The following ASCC3 variants were observed in gnomAD, a reference collection of about 807,000 sequenced individuals.
ASCC3 encodes activating signal cointegrator 1 complex subunit 3, also known as ASC-1 complex subunit P200.
ASCC3 carries 158 observed loss-of-function variants against 256.3 expected under a neutral mutation model. The ratio of observed to expected loss-of-function variants is 0.62; its 90% CI spans 0.54 to 0.70. ASCC3 has a LOEUF of 0.70. Ranked by LOEUF, ASCC3 falls within the 30% of genes least tolerant of loss-of-function variation. ASCC3 has a pLI of 0.00. For missense variants in ASCC3, 2,259 were observed against 2,626.0 expected (o/e 0.86, Z 3.05); for synonymous variants, 948 against 883.4 (o/e 1.07, Z -1.30).
chr6:100,846,146 AGCAC>A (rs10552294), intron 4 of ASCC3, among the ~76,000 whole-genome samples: 106,768 of 151,456 alleles, frequency 0.7, 37,844 homozygotes, highest in East Asian at 0.75. Flanking sequence ...CATAAGGTAT[AGCAC>A]GCACACCCTA....
chr6:100,679,569 G>C, intron 14 of ASCC3, 49 bp downstream of exon 14: 1 of 1,610,142 alleles, frequency 6.2e-7, no homozygotes, highest in Non-Finnish European at 8.5e-7. Flanking sequence ...AAATACCCGG[G>C]ATATGTGGCA....
At chr6:100,510,342 T>C in intron 40 of ASCC3, 1 of 496,460 alleles carries the variant, frequency 2.0e-6, no homozygotes, top group East Asian at 3.4e-5. Flanking sequence ...TAGTTGTAAC[T>C]ATCAGAATAT....
chr6:100,651,768 GT>G, intron 18 of ASCC3, 122 bp from the exon 19 acceptor site: 1 of 369,538 alleles, frequency 2.7e-6, no homozygotes, highest in Non-Finnish European at 4.7e-6. Context: ...CAGTTATAAT[GT>G]CTGTGTTACA....
chr6:100,688,505 C>T (rs887858952), intron 13 of ASCC3, among the ~76,000 whole-genome samples: 1 of 152,096 alleles, frequency 6.6e-6, no homozygotes, highest in Non-Finnish European at 1.5e-5. Context: ...ACTCTCATAC[C>T]TACGTGGAAG....
chr6:100,814,732 G>A (rs1770657310), intron 4 of ASCC3, among the ~76,000 whole-genome samples: 1 of 152,112 alleles, frequency 6.6e-6, no homozygotes, highest in African/African-American at 2.4e-5. Context: ...TGTGCACAGA[G>A]GTGTTTATAG....
In ASCC3 at chr6:100,718,149, G is replaced by T. The variant is rs778332971; in HGVS notation, c.2005C>A (p.Leu669Ile). ...TFLHVNPYIG[L>I]FFFDGRFRPV... is the part of the protein sequence containing the mutation. ...CGAAAACGGCCATCAAAGAAGAAAAGTCCAATGTATGGATTAACATGTAAA... is the reference window on the plus strand; with the variant it reads ...CGAAAACGGCCATCAAAGAAGAAAATTCCAATGTATGGATTAACATGTAAA... Residue 669 changes from leucine (L) to isoleucine (I), a missense_variant, in exon 12 of 42, where the codon CTT becomes ATT. Transcript: ENST00000369162. 1 of 1,613,722 alleles carries T rather than the reference G, an allele frequency of 6.2e-7. No individual in the cohort carries two copies. Among genetic ancestry groups the T allele is most frequent in the East Asian group, 2.2e-5 (1 of 44,844 alleles).
chr6:100,625,227 C>T lies in ASCC3; in HGVS notation c.4750G>A (p.Asp1584Asn), dbSNP rs1206641786. ...ELIAFLATEE[D>N]PKQWLNMDER... ...TCCATGTTTAACCACTGCTTTGGATCTTCTTCAGTAGCCAGGAAGGCGATC... is the reference window on the plus strand; with the variant it reads ...TCCATGTTTAACCACTGCTTTGGATTTTCTTCAGTAGCCAGGAAGGCGATC... The change falls in exon 30 of 42, where the codon GAT becomes AAT. Residue 1584 changes from aspartate (D) to asparagine (N), a missense_variant. Coordinates refer to ENST00000369162, the MANE Select transcript of ASCC3 (RefSeq NM_006828.4). The T allele has an allele frequency of 5.0e-6, 8 of 1,612,878 alleles. No homozygotes were observed. Among genetic ancestry groups the T allele is most frequent in the Non-Finnish European group, 6.8e-6 (8 of 1,179,234 alleles).
intron 8 of ASCC3, among the ~76,000 whole-genome samples, chr6:100,780,557 T>A (rs568352746): frequency 2.0e-5 from 3 of 152,190 alleles, no homozygotes; most frequent in African/African-American, 7.2e-5. Flanking sequence ...TGAGCCATGA[T>A]CATGCCACCA....
At chr6:100,510,902 T>C (rs1028769606) in intron 40 of ASCC3, among the ~76,000 whole-genome samples, 19 of 152,172 alleles carry the variant, frequency 1.2e-4, no homozygotes, top group African/African-American at 4.6e-4. Context: ...TAGAGGGAGA[T>C]GTTTCACTTA....
intron 13 of ASCC3, among the ~76,000 whole-genome samples, chr6:100,704,735 GA>G (rs1361053726): frequency 1.3e-5 from 2 of 151,984 alleles, no homozygotes; most frequent in Non-Finnish European, 2.9e-5. Context: ...CAAGGTTGAA[GA>G]AGACTTTTTT....
At chr6:100,642,476 A>T (rs1775175104) in intron 24 of ASCC3, 105 bp downstream of exon 24, 1 of 1,175,900 alleles carries the variant, frequency 8.5e-7, no homozygotes, top group Non-Finnish European at 1.3e-6. Context: ...GAGAAGTTAT[A>T]ATGATTACAA....
At chr6:100,858,242 G>A (rs1272628694) in intron 3 of ASCC3, 2 of 531,894 alleles carry the variant, frequency 3.8e-6, no homozygotes, top group Non-Finnish European at 4.8e-6. Flanking sequence ...TATTAACCTT[G>A]TTAAATTCAT....
chr6:100,818,519 C>A (rs1265501648), intron 4 of ASCC3, among the ~76,000 whole-genome samples: 1 of 148,178 alleles, frequency 6.7e-6, no homozygotes, highest in Non-Finnish European at 1.5e-5. Context: ...TTGCCGAGAG[C>A]CAAGATCATG....
At chr6:100,519,378 T>A (rs1400158808) in intron 37 of ASCC3, among the ~76,000 whole-genome samples, 1 of 152,034 alleles carries the variant, frequency 6.6e-6, no homozygotes, top group Non-Finnish European at 1.5e-5. Flanking sequence ...TTTATATATG[T>A]GTGTGTGTAT....
chr6:100,710,556 G>A (rs1778811270), intron 13 of ASCC3, among the ~76,000 whole-genome samples: 1 of 152,172 alleles, frequency 6.6e-6, no homozygotes, highest in Non-Finnish European at 1.5e-5. Flanking sequence ...AGAGCTGGCA[G>A]TAAGATCTCA....
intron 25 of ASCC3, among the ~76,000 whole-genome samples, chr6:100,637,153 T>C (rs1434886461): frequency 2.0e-5 from 3 of 152,168 alleles, no homozygotes; most frequent in Non-Finnish European, 4.4e-5. Flanking sequence ...GCTAACTTTC[T>C]TGTTAGGGAC....
At chr6:100,864,250 T>TA in intron 2 of ASCC3, 36 bp from the exon 3 acceptor site, 1 of 1,533,346 alleles carries the variant, frequency 6.5e-7, no homozygotes, top group Non-Finnish European at 8.9e-7. Context: ...AAGTACTGCT[T>TA]AAAGTTCTTC....
intron 4 of ASCC3, among the ~76,000 whole-genome samples, chr6:100,816,211 C>A (rs887560551): frequency 6.6e-6 from 1 of 152,012 alleles, no homozygotes; most frequent in Admixed American, 6.6e-5. Context: ...CAATGAGATA[C>A]CATCTCACAT....
intron 24 of ASCC3, among the ~76,000 whole-genome samples, 159 bp downstream of exon 24, chr6:100,642,422 C>G (rs1189728971): frequency 6.6e-6 from 1 of 151,984 alleles, no homozygotes; most frequent in Non-Finnish European, 1.5e-5. Flanking sequence ...ACAGAGAGAA[C>G]AGATTAAATG....
Sources: allele counts gnomAD v4.1 joint callset (sites outside exome capture counted in the v4.1 genomes callset), GRCh38; gene constraint gnomAD v4.1.1; transcripts MANE v1.5; gene names NCBI Gene and HGNC (gene_info 2026-07-23, HGNC 2026-07-21).